The following ZC3H12B variants were observed in gnomAD, a reference collection of about 807,000 sequenced individuals.
The protein encoded by ZC3H12B is probable ribonuclease ZC3H12B.
ZC3H12B carries 7 observed loss-of-function variants against 43.9 expected under a neutral mutation model. That is an observed-to-expected ratio of 0.16 (90% CI 0.09 to 0.30). The LOEUF is 0.30. Ranked by LOEUF, ZC3H12B falls within the 10% of genes least tolerant of loss-of-function variation. ZC3H12B has a pLI of 1.00. For synonymous variants in ZC3H12B, 222 were observed against 241.7 expected (o/e 0.92, Z 0.76); for missense variants, 475 against 670.2 (o/e 0.71, Z 3.22).
At chrX:65,211,473 T>C in the ZC3H12B span, among the ~76,000 whole-genome samples, 1 of 106,782 alleles carries the variant, frequency 9.4e-6, no homozygotes, top group African/African-American at 3.4e-5. Context: ...TGCATTATAT[T>C]GTTTAATCTT....
chrX:65,272,964 G>A, the ZC3H12B span: 1 of 112,239 alleles, frequency 8.9e-6, no homozygotes, highest in East Asian at 2.8e-4. Context: ...TTGGTGTTCT[G>A]ACTTTAGCAA....
At chrX:65,110,056 GTGATGT>G in the ZC3H12B span, among the ~76,000 whole-genome samples, 1 of 111,242 alleles carries the variant, frequency 9.0e-6, no homozygotes, top group African/African-American at 3.3e-5. Context: ...TTAGTGGCTA[GTGATGT>G]TGATCATCTT....
exon 5 of ZC3H12B, chrX:65,503,254 CTAA>C (rs750196139): frequency 6.3e-6 from 6 of 947,637 alleles, no homozygotes; most frequent in South Asian, 2.7e-5. Flanking sequence ...AATATTAATA[CTAA>C]TAATACACTA....
the ZC3H12B span, among the ~76,000 whole-genome samples, chrX:65,212,611 T>C: frequency 1.2e-5 from 1 of 82,517 alleles, no homozygotes; most frequent in Non-Finnish European, 2.2e-5. Flanking sequence ...TAATTACATA[T>C]ATGATATATA....
the ZC3H12B span, among the ~76,000 whole-genome samples, chrX:65,202,071 T>C: frequency 2.5e-5 from 2 of 79,213 alleles, no homozygotes; most frequent in African/African-American, 6.2e-5. Context: ...GTAATATATA[T>C]ATTACATATA....
chrX:65,185,256 A>C, the ZC3H12B span: 3 of 112,144 alleles, frequency 2.7e-5, no homozygotes, highest in Non-Finnish European at 5.6e-5. Flanking sequence ...TTGTTTGTGT[A>C]TCTTCAAATC....
the ZC3H12B span, among the ~76,000 whole-genome samples, chrX:65,234,539 G>T: frequency 9.0e-6 from 1 of 111,704 alleles, no homozygotes; most frequent in Non-Finnish European, 1.9e-5. Flanking sequence ...TAAACACAAG[G>T]TATTTAATTT....
At chrX:65,343,228 T>A in the ZC3H12B span, among the ~76,000 whole-genome samples, 1 of 111,051 alleles carries the variant, frequency 9.0e-6, no homozygotes, top group African/African-American at 3.3e-5. Context: ...ACTGACTCAG[T>A]CAAGCTCTGC....
the ZC3H12B span, among the ~76,000 whole-genome samples, chrX:65,175,220 C>A: frequency 8.9e-6 from 1 of 111,996 alleles, no homozygotes; most frequent in African/African-American, 3.2e-5. Flanking sequence ...CACTGCCTAA[C>A]CAGTCCCAGT....
chrX:65,394,869 C>A (rs1488320473), intron 2 of ZC3H12B, among the ~76,000 whole-genome samples: 2 of 111,741 alleles, frequency 1.8e-5, no homozygotes, highest in Non-Finnish European at 3.8e-5. Context: ...TGTGTCCTCT[C>A]TTATTTCCTT....
At chrX:65,094,730 T>TTAAAA in the ZC3H12B span, among the ~76,000 whole-genome samples, 3 of 112,176 alleles carry the variant, frequency 2.7e-5, no homozygotes, top group African/African-American at 9.7e-5. Context: ...GATGAAACAA[T>TTAAAA]TAAAATTGTT....
the ZC3H12B span, among the ~76,000 whole-genome samples, chrX:65,333,676 C>A: frequency 1.8e-5 from 2 of 111,692 alleles, no homozygotes; most frequent in Non-Finnish European, 3.8e-5. Flanking sequence ...TCTAATGTCA[C>A]AATTTCCAAA....
At chrX:65,330,963 A>G in the ZC3H12B span, 1 of 318,443 alleles carries the variant, frequency 3.1e-6, no homozygotes, top group South Asian at 3.5e-5. Context: ...TTCCTGGGGC[A>G]GCCCCTCTCA....
the ZC3H12B span, among the ~76,000 whole-genome samples, chrX:65,360,435 T>C: frequency 8.9e-6 from 1 of 111,946 alleles, no homozygotes; most frequent in Non-Finnish European, 1.9e-5. Context: ...CAATAGCAAA[T>C]AAATGCAGGA....
chrX:65,404,435 C>T (rs1386482666), intron 3 of ZC3H12B, among the ~76,000 whole-genome samples: 1 of 111,311 alleles, frequency 9.0e-6, no homozygotes, highest in Non-Finnish European at 1.9e-5. Flanking sequence ...GTATTAAAAA[C>T]AAGATTCTGT....
chrX:65,190,589 G>A, the ZC3H12B span, among the ~76,000 whole-genome samples: 2 of 105,527 alleles, frequency 1.9e-5, no homozygotes, highest in Non-Finnish European at 3.9e-5. Flanking sequence ...TCATGATTTG[G>A]CTCTCTGTTT....
intron 3 of ZC3H12B, among the ~76,000 whole-genome samples, chrX:65,433,475 T>C (rs1206335758): frequency 8.9e-6 from 1 of 111,868 alleles, no homozygotes; most frequent in Non-Finnish European, 1.9e-5. Flanking sequence ...ATGCTAAGTA[T>C]GTCTATTCCA....
the ZC3H12B span, among the ~76,000 whole-genome samples, chrX:65,121,234 C>T: frequency 9.0e-6 from 1 of 111,402 alleles, no homozygotes; most frequent in Non-Finnish European, 1.9e-5. Flanking sequence ...GGTACCAGCT[C>T]CTCCTTTTAC....
the ZC3H12B span, among the ~76,000 whole-genome samples, chrX:65,112,340 G>A: frequency 1.4e-4 from 16 of 112,371 alleles, no homozygotes; most frequent in Non-Finnish European, 2.4e-4. Context: ...AATACAAGGT[G>A]AAGCAGCAAG....
Sources: gnomAD v4.1 joint callset for allele counts (sites outside exome capture counted in the v4.1 genomes callset) on GRCh38, gnomAD v4.1.1 for gene constraint, MANE v1.5 for transcripts, NCBI Gene and HGNC (gene_info 2026-07-23, HGNC 2026-07-21) for gene names.